The following SNTG2 variants were observed in gnomAD, a reference collection of about 807,000 sequenced individuals.
SNTG2 encodes syntrophin gamma 2, also known as gamma-2-syntrophin.
A neutral mutation model predicts 70.9 loss-of-function variants in SNTG2; 74 were observed. The ratio of observed to expected loss-of-function variants is 1.04; its 90% CI spans 0.86 to 1.27. The LOEUF (loss-of-function observed/expected upper bound fraction) is 1.27, where lower values mean the gene tolerates loss of function less well. SNTG2 is among the 50% of genes most tolerant of loss of function. The pLI is 0.00. For synonymous variants in SNTG2, 278 were observed against 273.8 expected, an observed-to-expected ratio of 1.02 and a Z score of -0.15; for missense variants, 717 against 690.7, an observed-to-expected ratio of 1.04 and a Z score of -0.43.
chr2:1,169,972 C>T (rs906858530), intron 7 of SNTG2, among the ~76,000 whole-genome samples: 3 of 134,298 alleles, frequency 2.2e-5, no homozygotes, highest in East Asian at 3.5e-4. Context: ...TAAATTCAGG[C>T]GAAACGTCCT....
rs555661550 is a variant in SNTG2 at position 1,259,007 on chromosome 2, AAATT to A, written c.1006-359_1006-356del. ...TTTCACATGCATTAAATGTTACCCA[AAATT>A]AATCCCTAATTTAATCTAAAAGGAA... On this transcript the variant is annotated intron_variant, in intron 12 of 16. Transcript: ENST00000308624. Among the ~76,000 whole-genome samples, 23 of 152,356 alleles carry A rather than the reference AAATT, an allele frequency of 1.5e-4. 1 individual carries two copies. In the South Asian group the frequency reaches 3.9e-3, roughly 26 times the overall value.
chr2:1,186,544 C>A (rs67412276), intron 8 of SNTG2, among the ~76,000 whole-genome samples: 7,601 of 152,208 alleles, frequency 0.05, 292 homozygotes, highest in East Asian at 0.21. Flanking sequence ...ATACAGGAAG[C>A]ATGGCTAGGG....
Position 1,006,753 on chromosome 2 carries a change from C to T in SNTG2, c.72+55685C>T, listed in dbSNP as rs535969527. ...TTAGAGTATGAGGGAGGGCCAGGCG[C>T]GGTGGCTCACGCCTGTAATGTCAGC... On this transcript the variant is annotated intron_variant, in intron 1 of 16. Transcript: ENST00000308624. Among the ~76,000 whole-genome samples, 478 of 152,106 alleles carry T rather than the reference C, an allele frequency of 3.1e-3. 4 individuals are homozygous for T. Among genetic ancestry groups the T allele is most frequent in the African/African-American group, 0.01 (418 of 41,462 alleles).
chr2:1,097,211 C>T lies in SNTG2; in HGVS notation c.211-985C>T, dbSNP rs753296558. On this transcript the variant is annotated intron_variant, in intron 2 of 16. Transcript: ENST00000308624. The surrounding 1 kb of genome is among the most constrained non-coding windows in gnomAD (Gnocchi z 4.1). ...GACATTCCTGGGGTATCTCAGGCTGCGGAAGCCCTCACAGCAGCCTCCCTG... is the reference window on the plus strand; with the variant it reads ...GACATTCCTGGGGTATCTCAGGCTGTGGAAGCCCTCACAGCAGCCTCCCTG... Among the ~76,000 whole-genome samples the T allele has an allele frequency of 4.6e-5, 7 of 152,278 alleles. No homozygotes were observed. The highest frequency in any genetic ancestry group is 1.2e-4 in the African/African-American group (5 of 41,560).
At chr2:1,055,730 A>C (rs6717150) in intron 1 of SNTG2, among the ~76,000 whole-genome samples, 123,873 of 152,140 alleles carry the variant, frequency 0.81, 51,056 homozygotes, top group Middle Eastern at 0.91. Context: ...CCATTCTCCT[A>C]GGGTTATCAT....
chr2:1,244,959 A>C (rs1406432935), intron 11 of SNTG2, among the ~76,000 whole-genome samples: 1 of 152,048 alleles, frequency 6.6e-6, no homozygotes, highest in Non-Finnish European at 1.5e-5. Context: ...TGATGAGTTC[A>C]TGTCCTTTGT....
At chr2:1,031,530 T>TATATATATA (rs1558325836) in intron 1 of SNTG2, among the ~76,000 whole-genome samples, 2 of 37,112 alleles carry the variant, frequency 5.4e-5, no homozygotes, top group African/African-American at 2.6e-4. Flanking sequence ...ATATATATAT[T>TATATATATA]TTTTTTTTTT....
At chr2:1,165,694 T>G in intron 7 of SNTG2, 59 bp downstream of exon 7, 1 of 1,381,864 alleles carries the variant, frequency 7.2e-7, no homozygotes, top group South Asian at 1.2e-5. Context: ...TGCCACATTA[T>G]TTATCCAAAT....
chr2:1,106,080 C>CTGT (rs1666119266), intron 4 of SNTG2, among the ~76,000 whole-genome samples: 1 of 142,210 alleles, frequency 7.0e-6, no homozygotes, highest in African/African-American at 2.7e-5. Flanking sequence ...TGGACACCTG[C>CTGT]TGTCACTCGG....
intron 1 of SNTG2, among the ~76,000 whole-genome samples, chr2:1,069,863 G>A (rs1406234703): frequency 6.6e-6 from 1 of 152,028 alleles, no homozygotes; most frequent in Non-Finnish European, 1.5e-5. Flanking sequence ...TGATAACTCA[G>A]CTCAAGAGAT....
At chr2:1,151,694 G>A (rs62105995) in intron 6 of SNTG2, among the ~76,000 whole-genome samples, 3 of 151,932 alleles carry the variant, frequency 2.0e-5, no homozygotes, top group East Asian at 3.9e-4. Context: ...GATTTGCTGC[G>A]CGCCCTTTGC....
intron 16 of SNTG2, among the ~76,000 whole-genome samples, chr2:1,322,412 G>A (rs1681573647): frequency 6.6e-6 from 1 of 152,166 alleles, no homozygotes. Flanking sequence ...GTGCGTCCTG[G>A]GACTTCATTT....
intron 9 of SNTG2, among the ~76,000 whole-genome samples, chr2:1,231,549 A>G (rs1033556870): frequency 1.3e-5 from 2 of 152,212 alleles, no homozygotes; most frequent in African/African-American, 4.8e-5. Flanking sequence ...CTCGCTCCAG[A>G]TGGTCCCCAG....
intron 1 of SNTG2, among the ~76,000 whole-genome samples, chr2:986,067 TAG>T (rs10633277): frequency 0.037 from 4,818 of 129,718 alleles, 170 homozygotes; most frequent in Admixed American, 0.09. Context: ...CTGCAAATAA[TAG>T]AGAGAGAGAG....
At chr2:1,052,542 T>C (rs1662135718) in intron 1 of SNTG2, among the ~76,000 whole-genome samples, 2 of 152,226 alleles carry the variant, frequency 1.3e-5, no homozygotes, top group African/African-American at 4.8e-5. Context: ...TGTTCATTAG[T>C]TGATTTGTCT....
At chr2:1,197,549 G>GTATGTATA (rs1673003737) in intron 8 of SNTG2, among the ~76,000 whole-genome samples, 1 of 138,704 alleles carries the variant, frequency 7.2e-6, no homozygotes, top group African/African-American at 2.7e-5. Flanking sequence ...GTGTGTGTGT[G>GTATGTATA]TATATTTGAT....
intron 1 of SNTG2, among the ~76,000 whole-genome samples, chr2:996,673 G>GTTTTTTTTTGTTTTTT (rs1661691160): frequency 2.8e-5 from 1 of 35,114 alleles, no homozygotes; most frequent in African/African-American, 1.3e-4. Context: ...GAGTTACCCA[G>GTTTTTTTTTGTTTTTT]TTTTTTTTTT....
At chr2:1,169,003 G>A (rs899058112) in intron 7 of SNTG2, among the ~76,000 whole-genome samples, 2 of 152,094 alleles carry the variant, frequency 1.3e-5, no homozygotes, top group Admixed American at 1.3e-4. Flanking sequence ...TGGACTTGAG[G>A]GCTGCACAGA....
In SNTG2 at chr2:1,001,569, G is replaced by T. The variant is rs181904897; in HGVS notation, c.72+50501G>T. On this transcript the variant is annotated intron_variant, in intron 1 of 16. Coordinates refer to ENST00000308624, the MANE Select transcript of SNTG2 (RefSeq NM_018968.4). ...ATTATATTTAACCAAGGAGGTAAAA[G>T]AATTCTACAAGAAAAACTATGAAGC... 2.0e-3 allele frequency among the ~76,000 whole-genome samples: 304 copies of T among 151,806 alleles called. 3 individuals are homozygous for T. Among genetic ancestry groups the T allele is most frequent in the African/African-American group, 7.1e-3 (296 of 41,432 alleles).
Sources: allele counts gnomAD v4.1 joint callset (sites outside exome capture counted in the v4.1 genomes callset), GRCh38; gene constraint gnomAD v4.1.1; non-coding constraint Gnocchi (gnomAD v3.1); transcripts MANE v1.5; gene names NCBI Gene and HGNC (gene_info 2026-07-23, HGNC 2026-07-21).